EPM2A: variants seen among roughly 807,000 people sequenced by gnomAD.
The protein encoded by EPM2A is EPM2A glucan phosphatase, laforin.
A neutral mutation model predicts 26.5 loss-of-function variants in EPM2A; 21 were observed. The ratio of observed to expected loss-of-function variants is 0.79; its 90% CI spans 0.56 to 1.14. The LOEUF (loss-of-function observed/expected upper bound fraction) is 1.14, where lower values mean the gene tolerates loss of function less well. Among genes scored for constraint, EPM2A ranks in the 50% most tolerant of loss-of-function variants. The pLI, the probability that EPM2A is intolerant of heterozygous loss-of-function variation, is 0.00. For synonymous variants in EPM2A, 217 were observed against 177.6 expected (o/e 1.22, Z -1.76); for missense variants, 458 against 440.8 (o/e 1.04, Z -0.35).
intron 4 of EPM2A, among the ~76,000 whole-genome samples, chr6:145,474,470 T>A (rs867487668): frequency 2.0e-5 from 3 of 151,744 alleles, no homozygotes; most frequent in Non-Finnish European, 4.4e-5. Flanking sequence ...TCAAAAAAAC[T>A]AAAACTAAAA....
At chr6:145,498,717 C>T (rs1779851743), downstream of EPM2A, among the ~76,000 whole-genome samples, 1 of 152,174 alleles carries the variant, frequency 6.6e-6, no homozygotes, top group Non-Finnish European at 1.5e-5. Flanking sequence ...AGCCCCAGTG[C>T]AAGTACCTGT....
rs73560912 is a variant in EPM2A, at chr6:145,472,397, C to T, written c.555+30125G>A. Among the ~76,000 whole-genome samples, 557 of 151,920 alleles carry T rather than the reference C, an allele frequency of 3.7e-3. 2 individuals are homozygous for T. Among genetic ancestry groups the T allele is most frequent in the African/African-American group, 0.012 (515 of 41,416 alleles). On this transcript the variant is annotated intron_variant, in intron 4 of 4. Coordinates refer to the EPM2A transcript ENST00000638717. Reference sequence around the variant, plus strand: ...GAGACAAGCAGAGGGAAAAGCAAAGCGGACTTTGTTTTGCACCTTAGGTAC... The same window carrying T: ...GAGACAAGCAGAGGGAAAAGCAAAGTGGACTTTGTTTTGCACCTTAGGTAC...
chr6:145,394,100 G>T (rs1778373390), intron 4 of EPM2A, among the ~76,000 whole-genome samples: 1 of 152,136 alleles, frequency 6.6e-6, no homozygotes, highest in Admixed American at 6.5e-5. Flanking sequence ...TGGGATTACA[G>T]GCATGAGCCA....
At chr6:145,613,761 T>C (rs1775446784) in intron 2 of EPM2A, among the ~76,000 whole-genome samples, 1 of 152,226 alleles carries the variant, frequency 6.6e-6, no homozygotes, top group African/African-American at 2.4e-5. Flanking sequence ...GGTGTTAATA[T>C]ACTCAGTAAA....
At chr6:145,566,198 T>C (rs1179911071) in intron 2 of EPM2A, among the ~76,000 whole-genome samples, 1 of 152,214 alleles carries the variant, frequency 6.6e-6, no homozygotes, top group African/African-American at 2.4e-5. Context: ...TGTCATTAAT[T>C]CTGTGACATT....
At chr6:145,516,093 A>G (rs546381686) in intron 2 of EPM2A, among the ~76,000 whole-genome samples, 1 of 152,194 alleles carries the variant, frequency 6.6e-6, no homozygotes, top group African/African-American at 2.4e-5. Context: ...ATTAACCAAA[A>G]GTTACCATAT....
At chr6:145,503,358 C>T (rs1779922661) in intron 2 of EPM2A, among the ~76,000 whole-genome samples, 1 of 142,466 alleles carries the variant, frequency 7.0e-6, no homozygotes, top group Non-Finnish European at 1.5e-5. Context: ...CGTCTCAGCC[C>T]AAAATCTCCT....
chr6:145,676,625 C>T (rs1467565848), intron 2 of EPM2A, among the ~76,000 whole-genome samples: 1 of 152,092 alleles, frequency 6.6e-6, no homozygotes, highest in African/African-American at 2.4e-5. Flanking sequence ...AAAATACAAA[C>T]TACCATCAGA....
intron 4 of EPM2A, among the ~76,000 whole-genome samples, chr6:145,418,751 G>GACA (rs887339844): frequency 3.9e-5 from 6 of 152,184 alleles, no homozygotes; most frequent in Non-Finnish European, 8.8e-5. Flanking sequence ...TAAGCAGAAT[G>GACA]ACATATAGAC....
intron 2 of EPM2A, among the ~76,000 whole-genome samples, chr6:145,587,649 C>G (rs1582877918): frequency 6.6e-6 from 1 of 152,200 alleles, no homozygotes; most frequent in Non-Finnish European, 1.5e-5. Flanking sequence ...AGGGCCAGAA[C>G]ATGATTTATA....
rs142027344 is a variant in EPM2A, at chr6:145,627,563, A to G, written c.849T>C (p.Tyr283=). 3.2e-4 allele frequency: 521 copies of G among 1,614,244 alleles called. 1 individual carries two copies. The highest frequency in any genetic ancestry group is 3.0e-3 in the Middle Eastern group (18 of 6,062). The change falls in exon 4 of 4, where the codon TAT becomes TAC. Residue 283 remains tyrosine, a synonymous_variant. Transcript: ENST00000367519. ...STAAVCGWLQ[Y]VMGWNLRKVQ... is the part of the protein sequence containing the mutation. The stretch of plus-strand genomic sequence containing the variant: ...CCTTCCTCAGATTCCAGCCCATCAC[A>G]TACTGGAGCCAGCCGCAGACAGCCG...
chr6:145,717,465 T>A (rs1775697192), intron 1 of EPM2A, among the ~76,000 whole-genome samples: 1 of 152,118 alleles, frequency 6.6e-6, no homozygotes, highest in Non-Finnish European at 1.5e-5. Flanking sequence ...ATGGGACGTA[T>A]CTCAAAATAA....
chr6:145,554,845 C>T (rs1381725250), intron 2 of EPM2A, among the ~76,000 whole-genome samples: 1 of 152,068 alleles, frequency 6.6e-6, no homozygotes, highest in African/African-American at 2.4e-5. Context: ...GCTGGCAAGT[C>T]AGTCTGAAAT....
chr6:145,662,433 C>G (rs1018766459), intron 2 of EPM2A, among the ~76,000 whole-genome samples: 3 of 121,038 alleles, frequency 2.5e-5, no homozygotes, highest in Non-Finnish European at 5.5e-5. Flanking sequence ...GAAAAATTAG[C>G]CTGAAAATTG....
chr6:145,622,664 G>A (rs193099869), downstream of EPM2A, among the ~76,000 whole-genome samples: 55 of 152,282 alleles, frequency 3.6e-4, no homozygotes, highest in Admixed American at 2.8e-3. Context: ...ACCAAGAAAC[G>A]TCAAAGGTTG....
At chr6:145,455,312 A>T (rs369842003) in intron 4 of EPM2A, among the ~76,000 whole-genome samples, 1 of 52,134 alleles carries the variant, frequency 1.9e-5, no homozygotes, top group Non-Finnish European at 4.4e-5. Flanking sequence ...GAAAAAAACA[A>T]CTACTTATAT....
downstream of EPM2A, among the ~76,000 whole-genome samples, chr6:145,496,728 A>ATGTTTTGTTTTTTTT (rs779194973): frequency 4.7e-5 from 5 of 106,908 alleles, no homozygotes; most frequent in African/African-American, 1.7e-4. Context: ...AGTTCCTGCA[A>ATGTTTTGTTTTTTTT]TTTTTTTTTT....
chr6:145,571,144 C>T (rs936637771), intron 2 of EPM2A, among the ~76,000 whole-genome samples: 1 of 151,958 alleles, frequency 6.6e-6, no homozygotes, highest in Admixed American at 6.6e-5. Flanking sequence ...TCCACTTCCA[C>T]CCCTTGATTC....
chr6:145,633,957 T>C (rs1376379524), intron 3 of EPM2A: 1 of 152,252 alleles, frequency 6.6e-6, no homozygotes, highest in East Asian at 1.9e-4. Flanking sequence ...CCTCAGCCTC[T>C]TCGTCTGCAA....
Sources: allele counts gnomAD v4.1 joint callset (sites outside exome capture counted in the v4.1 genomes callset), GRCh38; gene constraint gnomAD v4.1.1; transcripts MANE v1.5; gene names NCBI Gene and HGNC (gene_info 2026-07-23, HGNC 2026-07-21).